Variants in SLCO1B3 observed in about 807,000 individuals in gnomAD.
The protein encoded by SLCO1B3 is liver-specific organic anion transporter 2.
In SLCO1B3, 72 loss-of-function variants were observed where a neutral mutation model predicts 71.8. The ratio of observed to expected loss-of-function variants is 1.00; its 90% CI spans 0.83 to 1.22. The LOEUF (loss-of-function observed/expected upper bound fraction) is 1.22. Ranked by LOEUF, SLCO1B3 falls within the 50% of genes most tolerant of loss-of-function variation. The pLI is 0.00. For missense variants in SLCO1B3, 911 were observed against 819.7 expected, an observed-to-expected ratio of 1.11 and a Z score of -1.36; for synonymous variants, 298 against 278.4, an observed-to-expected ratio of 1.07 and a Z score of -0.70.
chr12:20,891,118 AG>A (rs1865893767), intron 13 of SLCO1B3, among the ~76,000 whole-genome samples: 1 of 151,984 alleles, frequency 6.6e-6, no homozygotes, highest in African/African-American at 2.4e-5. Flanking sequence ...AAGATCTGTA[AG>A]TTTTATACTT....
chr12:20,831,013 G>A (rs952904883), intron 3 of SLCO1B3, among the ~76,000 whole-genome samples: 5 of 152,146 alleles, frequency 3.3e-5, no homozygotes, highest in Admixed American at 6.5e-5. Flanking sequence ...TGGAATAGAA[G>A]CTAGGAGTTA....
intron 13 of SLCO1B3, among the ~76,000 whole-genome samples, chr12:20,898,057 A>T (rs570520605): frequency 6.6e-6 from 1 of 152,270 alleles, no homozygotes; most frequent in East Asian, 1.9e-4. Flanking sequence ...GCTAAGAATT[A>T]CTCCTGGATA....
At chr12:20,862,304 G>A in intron 6 of SLCO1B3, 108 bp from the exon 7 acceptor site, 3 of 1,253,986 alleles carry the variant, frequency 2.4e-6, no homozygotes, top group Non-Finnish European at 3.3e-6. Context: ...CTTGTAATTA[G>A]GAAACAAACA....
chr12:20,897,572 G>A (rs1429084219), intron 13 of SLCO1B3, among the ~76,000 whole-genome samples: 1 of 152,136 alleles, frequency 6.6e-6, no homozygotes, highest in Non-Finnish European at 1.5e-5. Context: ...TAACTAGCAT[G>A]GTATCTCTTA....
At chr12:20,873,266 A>G (rs1167935537) in intron 8 of SLCO1B3, among the ~76,000 whole-genome samples, 2 of 152,232 alleles carry the variant, frequency 1.3e-5, no homozygotes, top group Admixed American at 6.5e-5. Context: ...TTTCCTTGAT[A>G]GAACTCAGAA....
At chr12:20,876,257 T>C (rs907631264) in intron 9 of SLCO1B3, among the ~76,000 whole-genome samples, 3 of 152,158 alleles carry the variant, frequency 2.0e-5, no homozygotes, top group African/African-American at 7.2e-5. Context: ...TGGAGTACCA[T>C]TGAGAAGCAA....
intron 3 of SLCO1B3, among the ~76,000 whole-genome samples, chr12:20,827,974 G>T (rs58227070): frequency 0.15 from 22,963 of 152,214 alleles, 1,944 homozygotes; most frequent in African/African-American, 0.23. Flanking sequence ...AAGGTACAGA[G>T]AGAGAGTGGT....
intron 12 of SLCO1B3, among the ~76,000 whole-genome samples, chr12:20,881,870 C>A (rs541038931): frequency 6.6e-6 from 1 of 152,322 alleles, no homozygotes; most frequent in South Asian, 2.1e-4. Flanking sequence ...CTCTCTACCA[C>A]ACTCTTCCAT....
chr12:20,859,665 T>C (rs1865214650), intron 5 of SLCO1B3, among the ~76,000 whole-genome samples: 1 of 152,160 alleles, frequency 6.6e-6, no homozygotes, highest in Non-Finnish European at 1.5e-5. Flanking sequence ...CTAATCTTCT[T>C]AATATCTTAT....
chr12:20,868,669 A>G (rs1865418313), intron 8 of SLCO1B3, among the ~76,000 whole-genome samples: 1 of 17,156 alleles, frequency 5.8e-5, no homozygotes, highest in Non-Finnish European at 5.7e-4. Flanking sequence ...ACAAAGAGAT[A>G]AAAGAAAAGA....
chr12:20,836,641 T>A (rs4762677), intron 3 of SLCO1B3, among the ~76,000 whole-genome samples: 109,801 of 151,888 alleles, frequency 0.72, 42,265 homozygotes, highest in South Asian at 0.88. Flanking sequence ...TTCTGTTTTT[T>A]GTTTTGTTTT....
rs570941303 is a variant in SLCO1B3 at position 20,820,827 on chromosome 12, C to T, written c.84+5005C>T. Among the ~76,000 whole-genome samples the T allele has an allele frequency of 2.0e-5, 3 of 152,194 alleles. No individual in the cohort carries two copies. In the South Asian group the frequency reaches 6.2e-4, roughly 32 times the overall value. On this transcript the variant is annotated intron_variant, in intron 3 of 15. Coordinates refer to ENST00000381545, the MANE Select transcript of SLCO1B3 (RefSeq NM_019844.4). ...GGTTTTTATATTTGATGAAAAAGAG[C>T]CTAAACGCTTCTGATTTGGGATAAA... is the stretch of plus-strand genomic sequence containing the variant.
intron 13 of SLCO1B3, among the ~76,000 whole-genome samples, chr12:20,883,971 A>G (rs1426926332): frequency 6.6e-6 from 1 of 152,220 alleles, no homozygotes; most frequent in East Asian, 1.9e-4. Context: ...TTTCATTGAA[A>G]GAAAACATTT....
At chr12:20,822,570 C>T (rs1324887936) in intron 3 of SLCO1B3, among the ~76,000 whole-genome samples, 1 of 152,134 alleles carries the variant, frequency 6.6e-6, no homozygotes, top group Non-Finnish European at 1.5e-5. Flanking sequence ...CGTATACGTG[C>T]AAGTCACAGG....
chr12:20,898,469 G>T lies in SLCO1B3; in HGVS notation c.1716G>T (p.Met572Ile). ...IVQPELKALA[M>I]GFQSMVIRTL... is the part of the protein sequence containing the mutation. ...AACCTGAATTGAAAGCACTTGCAAT[G>T]GGTTTCCAGTCAATGGTTATAAGAA... The change falls in exon 14 of 16, where the codon ATG becomes ATT. Residue 572 changes from methionine to isoleucine, a missense_variant. Met to Ile is a conservative substitution (Grantham distance 10). Coordinates refer to ENST00000381545, the MANE Select transcript of SLCO1B3 (RefSeq NM_019844.4). 3 of 1,596,648 alleles carry T rather than the reference G, an allele frequency of 1.9e-6. No individual in the cohort carries two copies. The highest frequency in any genetic ancestry group is 2.6e-6 in the Non-Finnish European group (3 of 1,167,178).
intron 2 of SLCO1B3, among the ~76,000 whole-genome samples, chr12:20,814,571 G>A (rs1864158039): frequency 6.6e-6 from 1 of 152,110 alleles, no homozygotes; most frequent in Non-Finnish European, 1.5e-5. Flanking sequence ...TATATTAAAA[G>A]AGAAAATATT....
rs151044164 is a variant in SLCO1B3 at position 20,848,672 on chromosome 12, C to G, written c.85-6356C>G. On this transcript the variant is annotated intron_variant, in intron 3 of 15. Coordinates refer to ENST00000381545, the MANE Select transcript of SLCO1B3 (RefSeq NM_019844.4). ...TAGTGATTAAAAAGAAATGGAACAT[C>G]AAGTCATAAAAATACATGGAAAGAC... 8.5e-5 allele frequency among the ~76,000 whole-genome samples: 13 copies of G among 152,062 alleles called. No individual in the cohort carries two copies. In the East Asian group the frequency reaches 2.3e-3, roughly 27 times the overall value.
At chr12:20,829,325 T>C (rs1017471592) in intron 3 of SLCO1B3, among the ~76,000 whole-genome samples, 1 of 152,314 alleles carries the variant, frequency 6.6e-6, no homozygotes, top group South Asian at 2.1e-4. Flanking sequence ...GGCTGAACAC[T>C]GCTCTCTACC....
chr12:20,901,202 G>A, intron 14 of SLCO1B3, 148 bp from the exon 15 acceptor site: 1 of 587,562 alleles, frequency 1.7e-6, no homozygotes, highest in South Asian at 2.1e-5. Flanking sequence ...TAATAATTTT[G>A]ATTCCTGGGT....
Sources: allele counts gnomAD v4.1 joint callset (sites outside exome capture counted in the v4.1 genomes callset), GRCh38; gene constraint gnomAD v4.1.1; transcripts MANE v1.5; gene names NCBI Gene and HGNC (gene_info 2026-07-23, HGNC 2026-07-21).